COL25A1: variants seen among roughly 807,000 people sequenced by gnomAD.
The protein encoded by COL25A1 is collagen type XXV alpha 1 chain.
Under a neutral mutation model 128.4 loss-of-function variants are expected in COL25A1, and 103 were observed. The observed-to-expected ratio is 0.80, with a 90% CI of 0.68 to 0.94. COL25A1 has a LOEUF of 0.94. Among genes scored for constraint, COL25A1 ranks in the 40% least tolerant of loss-of-function variants. The pLI is 0.00. For missense variants in COL25A1, 745 were observed against 840.0 expected (o/e 0.89, Z 1.40); for synonymous variants, 279 against 277.2 (o/e 1.01, Z -0.06).
chr4:109,074,146 T>C (rs1238161107), intron 3 of COL25A1, among the ~76,000 whole-genome samples: 3 of 152,144 alleles, frequency 2.0e-5, no homozygotes, highest in Non-Finnish European at 4.4e-5. Flanking sequence ...CACAGTAGGA[T>C]TCCCGCTCCT....
At chr4:109,264,134 A>C (rs1486992095) in intron 3 of COL25A1, among the ~76,000 whole-genome samples, 2 of 152,256 alleles carry the variant, frequency 1.3e-5, no homozygotes, top group Non-Finnish European at 2.9e-5. Context: ...AAAGAAGAGA[A>C]GCTTAAGCTT....
At chr4:109,217,807 TGTTGA>T (rs369909778) in intron 3 of COL25A1, among the ~76,000 whole-genome samples, 285 of 152,296 alleles carry the variant, frequency 1.9e-3, no homozygotes, top group African/African-American at 6.3e-3. Flanking sequence ...GTTGTTATAC[TGTTGA>T]GTTTAGTCAA....
At chr4:108,840,242 CAAAAAAAAAA>C (rs34039825) in intron 31 of COL25A1, among the ~76,000 whole-genome samples, 1 of 95,376 alleles carries the variant, frequency 1.0e-5, no homozygotes, top group African/African-American at 4.3e-5. Flanking sequence ...AACGCCATCT[CAAAAAAAAAA>C]AAAAAAAAAA....
chr4:108,915,085 A>T (rs1008710477), intron 13 of COL25A1, among the ~76,000 whole-genome samples: 1 of 152,132 alleles, frequency 6.6e-6, no homozygotes, highest in African/African-American at 2.4e-5. Flanking sequence ...AGCCCTTCAT[A>T]GGTTGTGATG....
chr4:108,927,437 T>C (rs558672094), intron 11 of COL25A1, among the ~76,000 whole-genome samples: 1 of 152,280 alleles, frequency 6.6e-6, no homozygotes, highest in Non-Finnish European at 1.5e-5. Context: ...TTTAGCGGCT[T>C]TCCACCATTA....
intron 20 of COL25A1, among the ~76,000 whole-genome samples, chr4:108,867,599 T>A (rs553755772): frequency 6.6e-6 from 1 of 152,312 alleles, no homozygotes; most frequent in Admixed American, 6.5e-5. Context: ...TAGAGTTATT[T>A]TCACTTGACC....
intron 2 of COL25A1, 57 bp from the exon 3 acceptor site, chr4:109,300,709 C>T (rs1725432163): frequency 1.7e-6 from 2 of 1,195,978 alleles, no homozygotes; most frequent in Non-Finnish European, 2.5e-6. Context: ...GGGATGGAGT[C>T]TTTAGGGACT....
chr4:108,827,854 T>G (rs1299660920), intron 32 of COL25A1, among the ~76,000 whole-genome samples: 2 of 152,132 alleles, frequency 1.3e-5, no homozygotes, highest in Non-Finnish European at 2.9e-5. Flanking sequence ...AAAACAATTA[T>G]TCAGGGAAAC....
intron 6 of COL25A1, among the ~76,000 whole-genome samples, chr4:108,996,202 G>A (rs974341823): frequency 6.6e-6 from 1 of 150,928 alleles, no homozygotes; most frequent in Non-Finnish European, 1.5e-5. Flanking sequence ...GGACCCATCG[G>A]TGTGCTGTAT....
rs1167331147 is a variant in COL25A1, at chr4:108,841,717, G to C, written c.1634C>G (p.Pro545Arg). The stretch of plus-strand genomic sequence containing the variant: ...TACCTTTGGTCCAGGAAGTCCATGA[G>C]GTCCCTGAAAATGGAAAACAGAGCT... ...GPHGPPGPMG[P>R]HGLPGPKGTD... Residue 545 changes from proline (P) to arginine (R), a missense_variant, in exon 31 of 38, where the codon CCT (proline) becomes CGT (arginine). Pro to Arg is a moderately radical substitution (Grantham distance 103). Transcript: ENST00000399132. 1 of 1,611,164 alleles carries C rather than the reference G, an allele frequency of 6.2e-7. No homozygotes were observed. The highest frequency in any genetic ancestry group is 8.5e-7 in the Non-Finnish European group (1 of 1,177,566).
At chr4:109,133,001 C>A (rs1215024272) in intron 3 of COL25A1, among the ~76,000 whole-genome samples, 2 of 151,828 alleles carry the variant, frequency 1.3e-5, no homozygotes, top group East Asian at 3.9e-4. Flanking sequence ...CTGACTTTTT[C>A]CTCCTGAAAA....
chr4:109,138,808 C>T (rs977262935), intron 3 of COL25A1, among the ~76,000 whole-genome samples: 6 of 152,016 alleles, frequency 3.9e-5, no homozygotes, highest in African/African-American at 7.2e-5. Flanking sequence ...CCTGGGTTCA[C>T]GCCATTCTCC....
chr4:109,149,542 T>C (rs1207648938), intron 3 of COL25A1, among the ~76,000 whole-genome samples: 1 of 152,110 alleles, frequency 6.6e-6, no homozygotes, highest in Non-Finnish European at 1.5e-5. Context: ...ATTTACAATC[T>C]AAAAATTTAT....
intron 3 of COL25A1, among the ~76,000 whole-genome samples, chr4:109,079,714 T>C (rs1328405367): frequency 1.3e-5 from 2 of 152,052 alleles, no homozygotes; most frequent in Non-Finnish European, 2.9e-5. Flanking sequence ...AGAGTAGTTT[T>C]CCAGCATTCT....
intron 18 of COL25A1, among the ~76,000 whole-genome samples, chr4:108,888,650 G>A (rs543248058): frequency 1.3e-5 from 2 of 152,256 alleles, no homozygotes; most frequent in South Asian, 4.1e-4. Flanking sequence ...AAATGGTATG[G>A]CTATAGTGCC....
At chr4:108,998,366 T>C (rs1351499353) in intron 6 of COL25A1, among the ~76,000 whole-genome samples, 3 of 152,128 alleles carry the variant, frequency 2.0e-5, no homozygotes, top group Admixed American at 2.0e-4. Context: ...CCATTCACAA[T>C]TGCTACAAAG....
intron 26 of COL25A1, among the ~76,000 whole-genome samples, chr4:108,851,783 C>T (rs1218999059): frequency 6.6e-6 from 1 of 151,966 alleles, no homozygotes; most frequent in East Asian, 1.9e-4. Flanking sequence ...AAAATGATTC[C>T]TAAAATTTTG....
intron 3 of COL25A1, 33 bp downstream of exon 3, chr4:109,300,549 TG>T: frequency 1.4e-6 from 2 of 1,453,600 alleles, no homozygotes; most frequent in Non-Finnish European, 1.9e-6. Context: ...TGCTCTGCTC[TG>T]GAGGAAACCT....
At chr4:109,005,996 T>A (rs1755930547) in intron 6 of COL25A1, among the ~76,000 whole-genome samples, 1 of 151,866 alleles carries the variant, frequency 6.6e-6, no homozygotes, top group Non-Finnish European at 1.5e-5. Context: ...AGGGTTGACA[T>A]TTTAAGAAAA....
Sources: gnomAD v4.1 joint callset for allele counts (sites outside exome capture counted in the v4.1 genomes callset) on GRCh38, gnomAD v4.1.1 for gene constraint, MANE v1.5 for transcripts, NCBI Gene and HGNC (gene_info 2026-07-23, HGNC 2026-07-21) for gene names.